PRH1: variants seen among roughly 807,000 people sequenced by gnomAD.
The protein encoded by PRH1 is salivary acidic proline-rich phosphoprotein 1/2.
Under a neutral mutation model 7.9 loss-of-function variants are expected in PRH1, and 7 were observed. The ratio of observed to expected loss-of-function variants is 0.89; its 90% confidence interval spans 0.50 to 1.67. The LOEUF (loss-of-function observed/expected upper bound fraction) is 1.67. Ranked by LOEUF, PRH1 falls within the 40% of genes most tolerant of loss-of-function variation. PRH1 has a pLI of 0.00. For synonymous variants in PRH1, 45 were observed against 80.8 expected (o/e 0.56, Z 2.38); for missense variants, 109 against 223.6 (o/e 0.49, Z 3.27).
At chr12:10,955,348 A>C (rs1170521532) in intron 2 of PRH1, among the ~76,000 whole-genome samples, 1 of 152,194 alleles carries the variant, frequency 6.6e-6, no homozygotes, top group Non-Finnish European at 1.5e-5. Context: ...GTACATATTG[A>C]AATTAAGGCA....
chr12:11,077,684 G>C, intron 1 of PRH1: 1 of 1,229,786 alleles, frequency 8.1e-7, no homozygotes, highest in Non-Finnish European at 1.2e-6. Context: ...AGAATGAAGG[G>C]TATGAGGTTT....
At chr12:10,897,960 T>A (rs1258028575) in intron 2 of PRH1, among the ~76,000 whole-genome samples, 1 of 152,226 alleles carries the variant, frequency 6.6e-6, no homozygotes, top group African/African-American at 2.4e-5. Flanking sequence ...GATTTTATTA[T>A]GCAGCAATAG....
chr12:11,039,340 G>A (rs1370276252), intron 1 of PRH1, among the ~76,000 whole-genome samples: 1 of 152,164 alleles, frequency 6.6e-6, no homozygotes, highest in Non-Finnish European at 1.5e-5. Flanking sequence ...ATCTCAATAG[G>A]CCAACGGATG....
At chr12:10,978,076 A>ATT (rs1939187562) in intron 1 of PRH1, among the ~76,000 whole-genome samples, 1 of 114,754 alleles carries the variant, frequency 8.7e-6, no homozygotes. Context: ...GTTCATATGG[A>ATT]ATAAAAAAAA....
intron 2 of PRH1, among the ~76,000 whole-genome samples, chr12:10,918,809 T>C (rs1350577752): frequency 6.6e-6 from 1 of 152,246 alleles, no homozygotes; most frequent in Non-Finnish European, 1.5e-5. Flanking sequence ...CTGAATTTTT[T>C]ATATATGATA....
At chr12:11,113,829 CAA>C (rs1945657416) in intron 1 of PRH1, among the ~76,000 whole-genome samples, 1 of 151,722 alleles carries the variant, frequency 6.6e-6, no homozygotes, top group South Asian at 2.1e-4. Context: ...ACAACCCCAT[CAA>C]AAAGTGGGTG....
intron 1 of PRH1, among the ~76,000 whole-genome samples, chr12:11,069,475 A>C (rs191096830): frequency 1.9e-3 from 162 of 85,566 alleles, no homozygotes; most frequent in Admixed American, 4.1e-3. Flanking sequence ...GACAACTAGC[A>C]AAGGAGAATG....
intron 2 of PRH1, among the ~76,000 whole-genome samples, chr12:10,963,013 G>A (rs1938322494): frequency 6.6e-6 from 1 of 152,224 alleles, no homozygotes; most frequent in Admixed American, 6.5e-5. Flanking sequence ...CTCGTGATCC[G>A]CCCACCTCGG....
intron 1 of PRH1, chr12:10,997,274 G>A (rs149630274): frequency 6.2e-7 from 1 of 1,614,124 alleles, no homozygotes; most frequent in East Asian, 2.2e-5. Flanking sequence ...TTTACACAGA[G>A]AGTAGATTAA....
chr12:11,042,204 T>G (rs1205493188), intron 1 of PRH1, among the ~76,000 whole-genome samples: 1 of 151,712 alleles, frequency 6.6e-6, no homozygotes, highest in Non-Finnish European at 1.5e-5. Context: ...CTTGAAAAGT[T>G]AAACAACATT....
Position 10,962,190 on chromosome 12 carries a change from T to C in PRH1, c.-59+11465A>G, listed in dbSNP as rs150952076. On this transcript the variant is annotated intron_variant, in intron 2 of 3. Transcript: ENST00000539853. ...CTCACTTTTCTGTGATTTTATAATA[T>C]GGCAATTAAAATGTTCATTTAGAAA... Among the ~76,000 whole-genome samples, 95 of 152,286 alleles carry C rather than the reference T, an allele frequency of 6.2e-4. 2 individuals carry two copies. In the East Asian group the frequency reaches 0.015, roughly 23 times the overall value.
At chr12:11,071,475 G>C (rs1944066454) in intron 1 of PRH1, among the ~76,000 whole-genome samples, 1 of 152,118 alleles carries the variant, frequency 6.6e-6, no homozygotes, top group African/African-American at 2.4e-5. Context: ...GCCAGAGCCA[G>C]AGCACTTTGG....
chr12:11,152,737 G>A (rs1231386038), intron 1 of PRH1, among the ~76,000 whole-genome samples: 1 of 152,124 alleles, frequency 6.6e-6, no homozygotes, highest in African/African-American at 2.4e-5. Context: ...GCCCATTAAT[G>A]TTGTACTTGT....
chr12:10,986,267 T>C, intron 1 of PRH1: 1 of 1,614,096 alleles, frequency 6.2e-7, no homozygotes, highest in East Asian at 2.2e-5. Flanking sequence ...GAGAACAGAT[T>C]AGCATCAGAA....
intron 1 of PRH1, among the ~76,000 whole-genome samples, chr12:11,012,836 C>T (rs561907128): frequency 2.0e-5 from 3 of 152,168 alleles, no homozygotes; most frequent in East Asian, 1.9e-4. Context: ...TGGATACAGG[C>T]GTGAACTGCA....
chr12:11,044,866 A>G (rs1942848351), intron 1 of PRH1, among the ~76,000 whole-genome samples: 1 of 152,184 alleles, frequency 6.6e-6, no homozygotes, highest in African/African-American at 2.4e-5. Context: ...GGGAATATAA[A>G]TTAGTAAAAC....
chr12:10,900,513 T>C (rs1196985647), intron 2 of PRH1, among the ~76,000 whole-genome samples: 2 of 151,986 alleles, frequency 1.3e-5, no homozygotes, highest in East Asian at 3.9e-4. Flanking sequence ...GCCAGAATTG[T>C]GGGGAAAAAA....
rs34115566 is a variant in PRH1, at chr12:11,091,097, T to TAC, written n.124-43911_124-43910dup. On this transcript the variant is annotated intron_variant and non_coding_transcript_variant, in intron 1 of 4. Coordinates refer to the PRH1 transcript ENST00000541977. ...TCAATGTTAAGTTTTCATACACAAA[T>TAC]ACACACACACACACACACATATATA... Among the ~76,000 whole-genome samples, 126 of 32,574 alleles carry TAC rather than the reference T, an allele frequency of 3.9e-3. 20 individuals carry two copies. The highest frequency in any genetic ancestry group is 4.1e-3 in the Non-Finnish European group (52 of 12,554). The allele number at this position is 32,574 out of a possible 152,430, so 21.4% of individuals were successfully genotyped here.
chr12:11,000,705 T>A (rs1010313295), intron 1 of PRH1, among the ~76,000 whole-genome samples: 3 of 152,140 alleles, frequency 2.0e-5, no homozygotes, highest in African/African-American at 7.2e-5. Context: ...ATGCTCTGAT[T>A]GTAGCATCAA....
Sources: gnomAD v4.1 joint callset for allele counts (sites outside exome capture counted in the v4.1 genomes callset) on GRCh38, gnomAD v4.1.1 for gene constraint, MANE v1.5 for transcripts, NCBI Gene and HGNC (gene_info 2026-07-23, HGNC 2026-07-21) for gene names.